Variants in FGF12 observed in about 807,000 individuals in gnomAD.
The protein encoded by FGF12 is fibroblast growth factor 12B.
FGF12 carries 14 observed loss-of-function variants against 23.6 expected under a neutral mutation model. The ratio of observed to expected loss-of-function variants is 0.59; its 90% CI spans 0.39 to 0.93. The LOEUF (loss-of-function observed/expected upper bound fraction) is 0.93, where lower values mean the gene tolerates loss of function less well. Among genes scored for constraint, FGF12 ranks in the 40% least tolerant of loss-of-function variants. The pLI is 0.00. For missense variants in FGF12, 175 were observed against 217.8 expected (o/e 0.80, Z 1.24); for synonymous variants, 62 against 77.3 (o/e 0.80, Z 1.04).
chr3:192,704,559 A>G (rs942195386), intron 2 of FGF12, among the ~76,000 whole-genome samples: 6 of 152,192 alleles, frequency 3.9e-5, no homozygotes, highest in Non-Finnish European at 5.9e-5. Flanking sequence ...GGCAGAGTAT[A>G]TTTAACATAA....
At chr3:192,281,652 T>G (rs1522269) in intron 4 of FGF12, among the ~76,000 whole-genome samples, 1 of 151,776 alleles carries the variant, frequency 6.6e-6, no homozygotes, top group African/African-American at 2.4e-5. Flanking sequence ...TGACCTCAGC[T>G]TGGGCACTTA....
At chr3:192,693,526 A>G in intron 2 of FGF12, among the ~76,000 whole-genome samples, 1 of 152,132 alleles carries the variant, frequency 6.6e-6, no homozygotes, top group Non-Finnish European at 1.5e-5. Flanking sequence ...TATTACCAAG[A>G]TAAAAACAAT....
chr3:192,632,923 G>A (rs538208802), intron 2 of FGF12, among the ~76,000 whole-genome samples: 2 of 152,114 alleles, frequency 1.3e-5, no homozygotes, highest in Admixed American at 6.5e-5. Context: ...CCTAGCTTCC[G>A]GTGGTTGCAG....
chr3:192,427,245 G>A (rs1333415823), intron 2 of FGF12, among the ~76,000 whole-genome samples: 1 of 152,232 alleles, frequency 6.6e-6, no homozygotes, highest in African/African-American at 2.4e-5. Flanking sequence ...GCCGGATGTG[G>A]TGGCAAGCGC....
chr3:192,638,958 C>T (rs1168821158), intron 2 of FGF12, among the ~76,000 whole-genome samples: 1 of 152,146 alleles, frequency 6.6e-6, no homozygotes, highest in African/African-American at 2.4e-5. Flanking sequence ...TCTGGCTTTC[C>T]CTGCATTTAA....
At chr3:192,309,700 A>G (rs1685256278) in intron 4 of FGF12, among the ~76,000 whole-genome samples, 1 of 152,242 alleles carries the variant, frequency 6.6e-6, no homozygotes, top group South Asian at 2.1e-4. Context: ...TGACAGAGAG[A>G]CATGAGCACT....
At chr3:192,634,074 G>T (rs1448114471) in intron 2 of FGF12, among the ~76,000 whole-genome samples, 1 of 152,092 alleles carries the variant, frequency 6.6e-6, no homozygotes, top group Non-Finnish European at 1.5e-5. Flanking sequence ...CTACCTCTTT[G>T]CTTCAAAGGA....
chr3:192,648,950 G>T (rs1716110657), intron 2 of FGF12, among the ~76,000 whole-genome samples: 1 of 152,136 alleles, frequency 6.6e-6, no homozygotes, highest in African/African-American at 2.4e-5. Flanking sequence ...TTCTTGGAAT[G>T]ATTTCAAGTC....
chr3:192,147,660 T>G (rs866193005), intron 5 of FGF12, among the ~76,000 whole-genome samples: 1 of 152,198 alleles, frequency 6.6e-6, no homozygotes, highest in Non-Finnish European at 1.5e-5. Context: ...CACCCCCATT[T>G]TTTTTAAATA....
chr3:192,454,286 C>T (rs567942726), intron 2 of FGF12, among the ~76,000 whole-genome samples: 113 of 152,172 alleles, frequency 7.4e-4, no homozygotes, highest in Admixed American at 1.7e-3. Flanking sequence ...GATCCACCCA[C>T]CTCGGCCTCC....
At chr3:192,299,224 C>T (rs1715209396) in intron 4 of FGF12, among the ~76,000 whole-genome samples, 1 of 152,118 alleles carries the variant, frequency 6.6e-6, no homozygotes, top group South Asian at 2.1e-4. Flanking sequence ...TGAGGGAAGG[C>T]CAAGAAGTAG....
At chr3:192,305,767 C>A (rs1419594416) in intron 4 of FGF12, among the ~76,000 whole-genome samples, 1 of 147,232 alleles carries the variant, frequency 6.8e-6, no homozygotes, top group African/African-American at 2.5e-5. Context: ...TTGTGTCGGA[C>A]ACTGATATTA....
At chr3:192,307,485 T>A (rs752334713) in intron 4 of FGF12, among the ~76,000 whole-genome samples, 58 of 152,114 alleles carry the variant, frequency 3.8e-4, no homozygotes, top group Non-Finnish European at 7.3e-4. Flanking sequence ...AACTGAAAGT[T>A]AAAAAATAAA....
chr3:192,680,854 AC>A (rs1234117228), intron 2 of FGF12, among the ~76,000 whole-genome samples: 1 of 152,172 alleles, frequency 6.6e-6, no homozygotes, highest in East Asian at 1.9e-4. Flanking sequence ...ATAATAATAA[AC>A]AAAAGTGTCC....
At chr3:192,231,280 GC>G (rs1252901455) in intron 4 of FGF12, among the ~76,000 whole-genome samples, 1 of 150,906 alleles carries the variant, frequency 6.6e-6, no homozygotes, top group Non-Finnish European at 1.5e-5. Flanking sequence ...TAGGTCACAG[GC>G]CCCCCTTTTT....
intron 4 of FGF12, among the ~76,000 whole-genome samples, chr3:192,248,248 C>G (rs1158640966): frequency 6.6e-6 from 1 of 152,160 alleles, no homozygotes; most frequent in Non-Finnish European, 1.5e-5. Context: ...GTACATTGAA[C>G]TGAAACATGA....
At chr3:192,717,609 G>A (rs2108744266) in intron 2 of FGF12, among the ~76,000 whole-genome samples, 1 of 152,008 alleles carries the variant, frequency 6.6e-6, no homozygotes, top group South Asian at 2.1e-4. Context: ...AAGAAAATCT[G>A]CTTTATGGGA....
intron 2 of FGF12, among the ~76,000 whole-genome samples, chr3:192,688,144 T>C (rs1323852126): frequency 6.6e-6 from 1 of 151,964 alleles, no homozygotes; most frequent in Non-Finnish European, 1.5e-5. Context: ...TCAGAGACAC[T>C]ACTGAGGACC....
chr3:192,192,443 T>G (rs1433422311), intron 4 of FGF12, among the ~76,000 whole-genome samples: 1 of 147,962 alleles, frequency 6.8e-6, no homozygotes, highest in East Asian at 1.9e-4. Context: ...TTATATATGA[T>G]AAATATATAA....
Sources: gnomAD v4.1 joint callset for allele counts (sites outside exome capture counted in the v4.1 genomes callset) on GRCh38, gnomAD v4.1.1 for gene constraint, MANE v1.5 for transcripts, NCBI Gene and HGNC (gene_info 2026-07-23, HGNC 2026-07-21) for gene names.